The following GLYATL2 variants were observed in gnomAD, a reference collection of about 807,000 sequenced individuals.
The protein encoded by GLYATL2 is glycine N-acyltransferase-like protein 2.
In GLYATL2, 25 loss-of-function variants were observed where a neutral mutation model predicts 21.4. The ratio of observed to expected loss-of-function variants is 1.17; its 90% CI spans 0.85 to 1.63. GLYATL2 has a LOEUF of 1.63. Among genes scored for constraint, GLYATL2 ranks in the 40% most tolerant of loss-of-function variants. The probability of loss-of-function intolerance (pLI) is 0.00; values close to 1 mark genes in which losing one functional copy is unlikely to be tolerated. For missense variants in GLYATL2, 361 were observed against 343.3 expected, an observed-to-expected ratio of 1.05 and a Z score of -0.41; for synonymous variants, 114 against 118.2, an observed-to-expected ratio of 0.96 and a Z score of 0.23.
intron 1 of GLYATL2, among the ~76,000 whole-genome samples, chr11:58,873,320 A>G (rs946473183): frequency 3.3e-5 from 5 of 151,864 alleles, no homozygotes; most frequent in Admixed American, 2.0e-4. Context: ...TTCCAACACT[A>G]TGTTGAATAG....
At chr11:58,867,260 AC>A (rs911895048) in intron 1 of GLYATL2, among the ~76,000 whole-genome samples, 2 of 149,198 alleles carry the variant, frequency 1.3e-5, no homozygotes, top group Non-Finnish European at 3.0e-5. Context: ...TATGCTTACA[AC>A]AACAAAAATA....
intron 1 of GLYATL2, among the ~76,000 whole-genome samples, chr11:58,840,300 C>A (rs148848646): frequency 1.3e-5 from 2 of 152,144 alleles, no homozygotes; most frequent in African/African-American, 4.8e-5. Context: ...CATCCTGAAA[C>A]TCATCCCAAG....
chr11:58,857,358 A>C (rs866999496), intron 1 of GLYATL2, among the ~76,000 whole-genome samples: 1 of 152,210 alleles, frequency 6.6e-6, no homozygotes, highest in Non-Finnish European at 1.5e-5. Flanking sequence ...AGCTAGCGGC[A>C]GCTGGCTGGG....
chr11:58,862,082 G>T (rs1023146577), intron 1 of GLYATL2, among the ~76,000 whole-genome samples: 32 of 151,870 alleles, frequency 2.1e-4, no homozygotes, highest in African/African-American at 7.3e-4. Flanking sequence ...GATTTTGTTG[G>T]GAACAGTATT....
At chr11:58,858,634 T>A (rs546838488) in intron 1 of GLYATL2, among the ~76,000 whole-genome samples, 1 of 152,212 alleles carries the variant, frequency 6.6e-6, no homozygotes, top group Non-Finnish European at 1.5e-5. Flanking sequence ...AGCTTTTAAA[T>A]TTTGTGTTGA....
At chr11:58,859,952 T>C (rs1467797402) in intron 1 of GLYATL2, among the ~76,000 whole-genome samples, 1 of 152,160 alleles carries the variant, frequency 6.6e-6, no homozygotes, top group East Asian at 1.9e-4. Context: ...TTTCTGGATG[T>C]TCTATTCTGT....
intron 1 of GLYATL2, among the ~76,000 whole-genome samples, chr11:58,867,685 G>T (rs1292085500): frequency 6.7e-6 from 1 of 149,058 alleles, no homozygotes; most frequent in Non-Finnish European, 1.5e-5. Flanking sequence ...AATCTAAGCT[G>T]CCATGAGTGT....
chr11:58,837,722 C>T (rs553559678), intron 3 of GLYATL2, among the ~76,000 whole-genome samples: 2 of 152,262 alleles, frequency 1.3e-5, no homozygotes, highest in South Asian at 4.2e-4. Context: ...ATATAAAGAA[C>T]AGGTTTGGCA....
At position 58,876,184 on chromosome 11, in the gene GLYATL2, C is replaced by T. The variant is rs572504781; in HGVS notation, n.60+27972G>A. Among the ~76,000 whole-genome samples the T allele has an allele frequency of 1.2e-4, 19 of 152,208 alleles. No individual in the cohort carries two copies. In the South Asian group the frequency reaches 1.5e-3, roughly 12 times the overall value. On this transcript the variant is annotated intron_variant and non_coding_transcript_variant, in intron 1 of 4. Coordinates refer to the GLYATL2 transcript ENST00000533636. ...CTCTGCATTGGTTATTCTAGTTATC[C>T]GTTCATCTAATGTTTTTTCAAAGTT...
In GLYATL2 at chr11:58,839,458, T is replaced by G. The variant is rs1853504074; in HGVS notation, c.78+77A>C. 3 of 808,106 alleles carry G rather than the reference T, an allele frequency of 3.7e-6. No homozygotes were observed. The South Asian group carries it at 5.9e-5, about 16-fold the overall frequency. The allele number at this position is 808,106 out of a possible 1,614,324, so 50.1% of individuals were successfully genotyped here. A position where few individuals can be genotyped will look rare whatever the true frequency, so the allele number is the denominator to read the frequency against. The stretch of plus-strand genomic sequence containing the variant: ...TTAGACTTGCATTCCCATCTCCCCA[T>G]TAAGGTTATGAATCCTGAATCTGTC... On this transcript the variant is annotated intron_variant, in intron 2 of 5. Coordinates refer to ENST00000287275, the MANE Select transcript of GLYATL2 (RefSeq NM_145016.4).
chr11:58,904,067 A>G (rs1854795171), intron 1 of GLYATL2: 1 of 152,172 alleles, frequency 6.6e-6, no homozygotes, highest in Non-Finnish European at 1.5e-5. Context: ...TCTCTTATTT[A>G]TGGAAAACCC....
rs370916367 is a variant in GLYATL2, at chr11:58,882,074, A to G, written n.60+22082T>C. Among the ~76,000 whole-genome samples, 52 of 152,352 alleles carry G rather than the reference A, an allele frequency of 3.4e-4. 2 individuals carry two copies. In the East Asian group the frequency reaches 9.2e-3, roughly 27 times the overall value. On this transcript the variant is annotated intron_variant and non_coding_transcript_variant, in intron 1 of 4. Transcript: ENST00000533636. ...ATGTGTCTTTATAGTAGCATGATTT[A>G]TAATCCTTTGGGTATATACCCAGTA...
chr11:58,880,134 A>G (rs1382280102), intron 1 of GLYATL2, among the ~76,000 whole-genome samples: 6 of 152,196 alleles, frequency 3.9e-5, no homozygotes, highest in Non-Finnish European at 8.8e-5. Flanking sequence ...CGGGGATTAC[A>G]GGCGTGAGCC....
intron 1 of GLYATL2, among the ~76,000 whole-genome samples, chr11:58,882,558 T>C (rs1565104437): frequency 6.6e-6 from 1 of 152,204 alleles, no homozygotes; most frequent in Non-Finnish European, 1.5e-5. Flanking sequence ...GGTAGTTTCT[T>C]TTGCCATGCA....
At chr11:58,857,888 C>CAAAAAA (rs545952478) in intron 1 of GLYATL2, among the ~76,000 whole-genome samples, 1 of 108,468 alleles carries the variant, frequency 9.2e-6, no homozygotes, top group African/African-American at 3.7e-5. Flanking sequence ...TTTTCCCCTC[C>CAAAAAA]AAAAAAAAAA....
At chr11:58,856,663 G>C (rs1295692192) in intron 1 of GLYATL2, among the ~76,000 whole-genome samples, 4 of 152,172 alleles carry the variant, frequency 2.6e-5, no homozygotes, top group Non-Finnish European at 4.4e-5. Context: ...GAGAGGGAGA[G>C]AGTCTGGGAA....
intron 1 of GLYATL2, among the ~76,000 whole-genome samples, chr11:58,858,467 TTA>T (rs1491127032): frequency 3.7e-5 from 1 of 27,178 alleles, no homozygotes; most frequent in East Asian, 7.1e-4. Context: ...TTGGGCTTTT[TTA>T]AAAAAAAAAA....
Position 58,838,338 on chromosome 11 carries a change from T to C in GLYATL2, c.109A>G (p.Lys37Glu). Residue 37 changes from lysine (K) to glutamate (E), a missense_variant, in exon 3 of 6, where the codon AAA becomes GAA. Lys to Glu is a moderately conservative substitution (Grantham distance 56). Coordinates refer to ENST00000287275, the MANE Select transcript of GLYATL2 (RefSeq NM_145016.4). The stretch of plus-strand genomic sequence containing the variant: ...AGCACCTCCATGTTGAAAGGGTTTT[T>C]ATCTTTTATGTTGAAAATGGCGCCA... ...VYGAIFNIKD[K>E]NPFNMEVLVD... 6.2e-7 allele frequency: 1 copy of C among 1,613,170 alleles called. No individual in the cohort carries two copies. Among genetic ancestry groups the C allele is most frequent in the Non-Finnish European group, 8.5e-7 (1 of 1,179,280 alleles).
chr11:58,847,997 C>CTTTT (rs56234893), upstream of GLYATL2, among the ~76,000 whole-genome samples: 8 of 99,654 alleles, frequency 8.0e-5, no homozygotes, highest in African/African-American at 2.6e-4. Context: ...GAGAGAGAGG[C>CTTTT]TTTTTTTTTT....
Sources: gnomAD v4.1 joint callset for allele counts (sites outside exome capture counted in the v4.1 genomes callset) on GRCh38, gnomAD v4.1.1 for gene constraint, MANE v1.5 for transcripts, NCBI Gene and HGNC (gene_info 2026-07-23, HGNC 2026-07-21) for gene names.